The following NFAM1 variants were observed in gnomAD, a reference collection of about 807,000 sequenced individuals.
NFAM1 encodes the protein NFAT activation molecule 1.
Under a neutral mutation model 29.0 loss-of-function variants are expected in NFAM1, and 17 were observed. The ratio of observed to expected loss-of-function variants is 0.59; its 90% CI spans 0.40 to 0.88. The LOEUF (loss-of-function observed/expected upper bound fraction) is 0.88, where lower values mean the gene tolerates loss of function less well. Among genes scored for constraint, NFAM1 ranks in the 40% least tolerant of loss-of-function variants. The probability of loss-of-function intolerance (pLI) is 0.00; values close to 1 mark genes in which losing one functional copy is unlikely to be tolerated. For missense variants in NFAM1, 324 were observed against 344.6 expected, an observed-to-expected ratio of 0.94 and a Z score of 0.47; for synonymous variants, 175 against 147.2, an observed-to-expected ratio of 1.19 and a Z score of -1.36.
rs73886099 is a variant in NFAM1, at chr22:42,419,802, G to A, written c.122-8066C>T. 0.013 allele frequency among the ~76,000 whole-genome samples: 1,983 copies of A among 152,104 alleles called. 45 individuals carry two copies. The highest frequency in any genetic ancestry group is 0.045 in the African/African-American group (1,879 of 41,468). ...CCACTCCTGGGTGTCTGGCTGCCCC[G>A]CACAGCACAGACTCTCAGGCGTCAC... On this transcript the variant is annotated intron_variant, in intron 1 of 5. Coordinates refer to ENST00000329021, the MANE Select transcript of NFAM1 (RefSeq NM_145912.8). The surrounding 1 kb of genome is among the most constrained non-coding windows in gnomAD (Gnocchi z 4.5).
chr22:42,380,672 G>A lies in NFAM1; in HGVS notation c.*4489C>T, dbSNP rs1301748997. 1 of 152,614 alleles carries A rather than the reference G, an allele frequency of 6.6e-6. No individual in the cohort carries two copies. Among genetic ancestry groups the A allele is most frequent in the Non-Finnish European group, 1.5e-5 (1 of 68,048 alleles). The allele number at this position is 152,614 out of a possible 1,614,324, so 9.5% of individuals were successfully genotyped here. ...TCAGCCTGGCTGGACTGAGCCAACG[G>A]CCCACCTCTCCTGCATAAGCTGTCT... On this transcript the variant is annotated 3_prime_UTR_variant, in exon 6 of 6. Coordinates refer to ENST00000329021, the MANE Select transcript of NFAM1 (RefSeq NM_145912.8).
At chr22:42,405,059 T>C (rs1601746268) in intron 3 of NFAM1, among the ~76,000 whole-genome samples, 1 of 150,792 alleles carries the variant, frequency 6.6e-6, no homozygotes, top group Non-Finnish European at 1.5e-5. Flanking sequence ...ACAGGCAGGG[T>C]GGTGAGAGGA....
chr22:42,431,282 T>G (rs565198728), intron 1 of NFAM1, among the ~76,000 whole-genome samples: 1 of 152,214 alleles, frequency 6.6e-6, no homozygotes, highest in East Asian at 1.9e-4. Context: ...GGCCAGTACG[T>G]GCCCTGCTAA....
At chr22:42,410,945 G>A (rs951077390) in intron 2 of NFAM1, among the ~76,000 whole-genome samples, 1 of 151,936 alleles carries the variant, frequency 6.6e-6, no homozygotes, top group African/African-American at 2.4e-5. Flanking sequence ...GTAGGCCGGG[G>A]CTCCCTGAAG....
intron 1 of NFAM1, among the ~76,000 whole-genome samples, chr22:42,421,050 G>A (rs1930427422): frequency 6.6e-6 from 1 of 152,158 alleles, no homozygotes; most frequent in Admixed American, 6.5e-5. Context: ...CTGGCCCTGT[G>A]ACAAAGCCAG....
chr22:42,415,906 C>G (rs997152959), intron 1 of NFAM1, among the ~76,000 whole-genome samples: 1 of 152,180 alleles, frequency 6.6e-6, no homozygotes, highest in Non-Finnish European at 1.5e-5. Context: ...GGCTCCCTGC[C>G]GTGGCAACAT....
chr22:42,431,836 C>A (rs981906038), intron 1 of NFAM1, among the ~76,000 whole-genome samples: 3 of 147,626 alleles, frequency 2.0e-5, no homozygotes, highest in Admixed American at 6.8e-5. Flanking sequence ...CAGAGGGTAG[C>A]CCCACCACTT....
rs1168598481 is a variant in NFAM1 at position 42,411,861 on chromosome 22, G to C, written c.122-125C>G. On this transcript the variant is annotated intron_variant, in intron 1 of 5. Transcript: ENST00000329021. ...ACCTGTAATTCCAACACTTTGGGAG[G>C]CCGAGGCAGGCGGATCACTGGAGGT... 3 of 657,878 alleles carry C rather than the reference G, an allele frequency of 4.6e-6. No homozygotes were observed. In the South Asian group the frequency reaches 5.4e-5, roughly 12 times the overall value. The allele number at this position is 657,878 out of a possible 1,614,324, so 40.8% of individuals were successfully genotyped here.
chr22:42,425,802 G>C (rs1423008666), intron 1 of NFAM1, among the ~76,000 whole-genome samples: 1 of 152,212 alleles, frequency 6.6e-6, no homozygotes, highest in African/African-American at 2.4e-5. Flanking sequence ...AAAGTTGGAT[G>C]CTTGTTCCTT....
chr22:42,430,926 G>T (rs1052279061), intron 1 of NFAM1, among the ~76,000 whole-genome samples: 1 of 152,202 alleles, frequency 6.6e-6, no homozygotes, highest in African/African-American at 2.4e-5. Flanking sequence ...CCGGGGTCTG[G>T]CCGTGTTTGC....
At chr22:42,422,134 G>A (rs148222227) in intron 1 of NFAM1, among the ~76,000 whole-genome samples, 4 of 152,292 alleles carry the variant, frequency 2.6e-5, no homozygotes, top group Non-Finnish European at 4.4e-5. Context: ...GCCTCAAGAC[G>A]TGGCCATTTC....
At chr22:42,436,826 C>T (rs573022140), upstream of NFAM1, 92 of 209,968 alleles carry the variant, frequency 4.4e-4, 2 homozygotes, top group Admixed American at 5.3e-3. Flanking sequence ...CGCAGTGGAA[C>T]AAGGGCTCCA....
intron 1 of NFAM1, among the ~76,000 whole-genome samples, chr22:42,423,412 A>G (rs191604334): frequency 1.3e-5 from 2 of 152,234 alleles, no homozygotes; most frequent in East Asian, 3.9e-4. Context: ...TACCCCTACC[A>G]CCTCCCAGTA....
the NFAM1 span, among the ~76,000 whole-genome samples, chr22:42,437,720 C>T: frequency 2.6e-5 from 4 of 152,320 alleles, no homozygotes; most frequent in South Asian, 2.1e-4. Flanking sequence ...CTTCTTCCCC[C>T]TCTAGGGGTC....
intron 1 of NFAM1, among the ~76,000 whole-genome samples, chr22:42,422,530 G>A (rs558255502): frequency 4.6e-5 from 7 of 152,226 alleles, no homozygotes; most frequent in African/African-American, 9.6e-5. Context: ...GCTTGAACCC[G>A]GGAGGTGGAG....
At chr22:42,435,782 C>A (rs1461875253), upstream of NFAM1, among the ~76,000 whole-genome samples, 1 of 151,886 alleles carries the variant, frequency 6.6e-6, no homozygotes, top group African/African-American at 2.4e-5. Context: ...GATCCCCTAC[C>A]CACGACCACC....
At chr22:42,423,388 T>C (rs1409527694) in intron 1 of NFAM1, among the ~76,000 whole-genome samples, 1 of 152,048 alleles carries the variant, frequency 6.6e-6, no homozygotes, top group Admixed American at 6.6e-5. Flanking sequence ...GTTTTTAAAT[T>C]AGAATTCTTT....
Position 42,393,286 on chromosome 22 carries a change from T to C in NFAM1, c.663+4572A>G, listed in dbSNP as rs561697796. ...TCAGTAAGAACCAGATGTGGTGGTA[T>C]GCACCTGTAATTCCAGCTAATCGGG... On this transcript the variant is annotated intron_variant, in intron 4 of 5. Transcript: ENST00000329021. Among the ~76,000 whole-genome samples, 4 of 152,312 alleles carry C rather than the reference T, an allele frequency of 2.6e-5. No individual in the cohort carries two copies. In the East Asian group the frequency reaches 5.8e-4, roughly 22 times the overall value.
Position 42,430,034 on chromosome 22 carries a change from G to A in NFAM1, c.121+2203C>T, listed in dbSNP as rs150634926. Among the ~76,000 whole-genome samples, 838 of 152,070 alleles carry A rather than the reference G, an allele frequency of 5.5e-3. 5 individuals are homozygous for A. The highest frequency in any genetic ancestry group is 0.019 in the African/African-American group (791 of 41,486). On this transcript the variant is annotated intron_variant, in intron 1 of 5. Transcript: ENST00000329021. ...TCCCAGCACTTTGGGAGGCCAAGGC[G>A]GGTGGATCACCTGAGGTCAGGAGTT... is the stretch of plus-strand genomic sequence containing the variant.
Sources: gnomAD v4.1 joint callset for allele counts (sites outside exome capture counted in the v4.1 genomes callset) on GRCh38, gnomAD v4.1.1 for gene constraint, Gnocchi (gnomAD v3.1) non-coding constraint, MANE v1.5 for transcripts, NCBI Gene and HGNC (gene_info 2026-07-23, HGNC 2026-07-21) for gene names.